Variants in CASK observed in about 807,000 individuals in gnomAD.
CASK encodes the protein peripheral plasma membrane protein CASK.
In CASK, 4 loss-of-function variants were observed where a neutral mutation model predicts 82.9. The observed-to-expected ratio is 0.05, with a 90% CI of 0.02 to 0.11. The LOEUF (loss-of-function observed/expected upper bound fraction) is 0.11. CASK is among the 10% of genes least tolerant of loss of function. The pLI is 1.00. For missense variants in CASK, 358 were observed against 720.9 expected (o/e 0.50, Z 5.76); for synonymous variants, 259 against 253.5 (o/e 1.02, Z -0.20).
intron 2 of CASK, among the ~76,000 whole-genome samples, chrX:41,824,824 G>A (rs2070625120): frequency 9.0e-6 from 1 of 111,527 alleles, no homozygotes; most frequent in African/African-American, 3.3e-5. Flanking sequence ...GCTGCCAGGA[G>A]GAAGGCCAAA....
At chrX:41,632,523 A>G (rs2066486730) in intron 9 of CASK, among the ~76,000 whole-genome samples, 1 of 112,075 alleles carries the variant, frequency 8.9e-6, no homozygotes, top group African/African-American at 3.2e-5. Context: ...GGTATTGAGC[A>G]TTTGAAAGGT....
intron 12 of CASK, among the ~76,000 whole-genome samples, chrX:41,596,850 C>A (rs1021400812): frequency 8.9e-6 from 1 of 111,906 alleles, no homozygotes; most frequent in Non-Finnish European, 1.9e-5. Context: ...CTTCATTCAT[C>A]TTTCTGTCTT....
intron 8 of CASK, among the ~76,000 whole-genome samples, chrX:41,654,555 C>T (rs1448854741): frequency 2.7e-5 from 3 of 110,945 alleles, no homozygotes; most frequent in Admixed American, 1.9e-4. Context: ...CACCTGTAAT[C>T]GCAGCTACTC....
chrX:41,738,299 C>T (rs2068534978), intron 5 of CASK, among the ~76,000 whole-genome samples: 1 of 112,689 alleles, frequency 8.9e-6, no homozygotes, highest in East Asian at 2.8e-4. Flanking sequence ...TAAAGGGGGA[C>T]CCATTGAGAT....
chrX:41,640,977 CTTTTTTT>C (rs933827422), intron 8 of CASK, among the ~76,000 whole-genome samples: 5 of 49,720 alleles, frequency 1.0e-4, no homozygotes, highest in African/African-American at 3.2e-4. Context: ...GGTATCTCGT[CTTTTTTT>C]TTTTTTTTTT....
At chrX:41,907,297 AAAC>A (rs1442256809) in intron 1 of CASK, among the ~76,000 whole-genome samples, 4 of 112,200 alleles carry the variant, frequency 3.6e-5, no homozygotes, top group Non-Finnish European at 5.6e-5. Context: ...ACAACTGCAA[AAAC>A]AACACTTTTG....
intron 1 of CASK, among the ~76,000 whole-genome samples, chrX:41,856,966 T>G (rs906892175): frequency 5.4e-5 from 6 of 110,459 alleles, no homozygotes; most frequent in African/African-American, 2.0e-4. Context: ...AAGCCAGATC[T>G]TTACCCTTAA....
Position 41,553,877 on chromosome X carries a change from C to T in CASK, c.1881G>A (p.Lys627=). ...CTTCTTTACAGGGGATGAGGTCATCCTTGGCTGGATCATATTCAAATTGTG... is the reference window on the plus strand; with the variant it reads ...CTTCTTTACAGGGGATGAGGTCATCTTTGGCTGGATCATATTCAAATTGTG... ...VRAQFEYDPA[K]DDLIPCKEAG... is the part of the protein sequence containing the mutation. Residue 627 remains lysine, a synonymous_variant, in exon 21 of 27, where the codon AAG becomes AAA. Coordinates refer to ENST00000378163, the MANE Select transcript of CASK (RefSeq NM_001367721.1). 2.5e-6 allele frequency: 3 copies of T among 1,207,739 alleles called. No individual in the cohort carries two copies. The South Asian group carries it at 5.3e-5, about 21-fold the overall frequency.
chrX:41,524,119 T>A (rs1316709829), intron 25 of CASK, 85 bp from the exon 26 acceptor site: 2 of 737,086 alleles, frequency 2.7e-6, no homozygotes, highest in Non-Finnish European at 4.0e-6. Context: ...AAAATTTTTA[T>A]ACAACTGAAA....
intron 1 of CASK, among the ~76,000 whole-genome samples, chrX:41,909,132 T>C (rs746085179): frequency 7.2e-5 from 8 of 111,863 alleles, no homozygotes; most frequent in Non-Finnish European, 1.5e-4. Context: ...CCCCAGGGCT[T>C]CTAATTCTGT....
chrX:41,712,706 A>G (rs926087095), intron 5 of CASK, among the ~76,000 whole-genome samples: 1 of 112,752 alleles, frequency 8.9e-6, no homozygotes, highest in African/African-American at 3.2e-5. Context: ...GAGGGGCTGG[A>G]ATTCTAAATG....
At chrX:41,779,622 C>T (rs2069434541) in intron 3 of CASK, among the ~76,000 whole-genome samples, 1 of 111,189 alleles carries the variant, frequency 9.0e-6, no homozygotes, top group South Asian at 3.7e-4. Flanking sequence ...TATCATCACA[C>T]ATAAAAAGAA....
intron 8 of CASK, among the ~76,000 whole-genome samples, chrX:41,640,697 C>T (rs1429103796): frequency 1.8e-5 from 2 of 111,424 alleles, no homozygotes; most frequent in East Asian, 5.6e-4. Context: ...AATCTTTTCT[C>T]ATTTTGAATT....
At chrX:41,637,191 G>A (rs1047994337) in intron 8 of CASK, among the ~76,000 whole-genome samples, 2 of 108,338 alleles carry the variant, frequency 1.8e-5, no homozygotes, top group African/African-American at 6.7e-5. Context: ...GAGCTCAAGC[G>A]ATCCTTCCGC....
At position 41,544,295 on chromosome X, in the gene CASK, G is replaced by A. The variant is rs754238728; in HGVS notation, c.2040-1489C>T. The stretch of plus-strand genomic sequence containing the variant: ...TCTTAAGAAATCCTCAGCCAGGTGC[G>A]ATGGCTCACGCCTGTAATCCCAGCA... On this transcript the variant is annotated intron_variant, in intron 21 of 26. Coordinates refer to ENST00000378163, the MANE Select transcript of CASK (RefSeq NM_001367721.1). Among the ~76,000 whole-genome samples, 197 of 111,577 alleles carry A rather than the reference G, an allele frequency of 1.8e-3. 2 individuals are homozygous for A. The highest frequency in any genetic ancestry group is 5.3e-4 in the Non-Finnish European group (28 of 53,103).
intron 2 of CASK, among the ~76,000 whole-genome samples, chrX:41,797,056 C>A (rs1047683161): frequency 9.0e-6 from 1 of 111,509 alleles, no homozygotes; most frequent in Admixed American, 9.6e-5. Flanking sequence ...TTAAGTCCAA[C>A]AACTTAACTA....
chrX:41,538,138 G>A (rs185509733), intron 22 of CASK, among the ~76,000 whole-genome samples: 1,306 of 111,017 alleles, frequency 0.012, 5 homozygotes, highest in African/African-American at 0.018. Context: ...GAGCCGCTGC[G>A]CACAGCCTAT....
intron 5 of CASK, among the ~76,000 whole-genome samples, chrX:41,691,228 A>G (rs953235865): frequency 2.7e-5 from 3 of 111,931 alleles, no homozygotes; most frequent in Non-Finnish European, 5.6e-5. Context: ...GATTATGGCT[A>G]TCGGGTCTAG....
chrX:41,872,354 T>A (rs1018695), intron 1 of CASK, among the ~76,000 whole-genome samples: 21,090 of 110,932 alleles, frequency 0.19, 1,611 homozygotes, highest in Middle Eastern at 0.29. Context: ...TCAGCATGTC[T>A]ATTTGACTTA....
Sources: allele counts gnomAD v4.1 joint callset (sites outside exome capture counted in the v4.1 genomes callset), GRCh38; gene constraint gnomAD v4.1.1; transcripts MANE v1.5; gene names NCBI Gene and HGNC (gene_info 2026-07-23, HGNC 2026-07-21).